Variants in TBC1D24 observed in about 807,000 individuals in gnomAD.
The protein encoded by TBC1D24 is Infantile myoclonic epilepsy.
A neutral mutation model predicts 50.7 loss-of-function variants in TBC1D24; 47 were observed. The ratio of observed to expected loss-of-function variants is 0.93; its 90% confidence interval spans 0.73 to 1.18. The LOEUF (loss-of-function observed/expected upper bound fraction) is 1.18, where lower values mean the gene tolerates loss of function less well. Among genes scored for constraint, TBC1D24 ranks in the 50% most tolerant of loss-of-function variants. The pLI is 0.00. For synonymous variants in TBC1D24, 324 were observed against 335.2 expected, an observed-to-expected ratio of 0.97 and a Z score of 0.36; for missense variants, 688 against 766.5, an observed-to-expected ratio of 0.90 and a Z score of 1.21.
In TBC1D24 at chr16:2,475,429, G is replaced by T. The variant is rs2065558254; in HGVS notation, c.-116+259G>T. On this transcript the variant is annotated intron_variant, in intron 1 of 7. Coordinates refer to ENST00000646147, the MANE Select transcript of TBC1D24 (RefSeq NM_001199107.2). The surrounding 1 kb of genome is among the most constrained non-coding windows in gnomAD (Gnocchi z 4.2). The stretch of plus-strand genomic sequence containing the variant: ...CCCCTGGGCGCGAGGCCCGATCCCC[G>T]CCCGGTCGCTGGCCCGCGGCCCGGC... Among the ~76,000 whole-genome samples, 1 of 151,944 alleles carries T rather than the reference G, an allele frequency of 6.6e-6. No individual in the cohort carries two copies. Among genetic ancestry groups the T allele is most frequent in the Non-Finnish European group, 1.5e-5 (1 of 67,928 alleles).
chr16:2,493,842 G>T (rs2065716075), intron 1 of TBC1D24: 1 of 152,176 alleles, frequency 6.6e-6, no homozygotes, highest in Admixed American at 6.5e-5. Context: ...TGAGCCCAGG[G>T]GTTGCTGTTC....
rs187418765 is a variant in TBC1D24 at position 2,491,693 on chromosome 16, T to C, written c.-115-4341T>C. ...CCTCAGCCTCCCACGTAGCTGGGAC[T>C]ACAGGCATGTGCCACCACACCCAGC... On this transcript the variant is annotated intron_variant, in intron 1 of 7. Coordinates refer to ENST00000646147, the MANE Select transcript of TBC1D24 (RefSeq NM_001199107.2). 1.6e-3 allele frequency among the ~76,000 whole-genome samples: 237 copies of C among 152,250 alleles called. 1 individual carries two copies. Among genetic ancestry groups the C allele is most frequent in the African/African-American group, 5.4e-3 (225 of 41,530 alleles).
At position 2,485,597 on chromosome 16, in the gene TBC1D24, G is replaced by C. The variant is rs551590171; in HGVS notation, c.-116+10427G>C. The C allele has an allele frequency of 6.6e-6, 1 of 152,362 alleles. No individual in the cohort carries two copies. Among genetic ancestry groups the C allele is most frequent in the East Asian group, 1.9e-4 (1 of 5,188 alleles). The allele number at this position is 152,362 out of a possible 1,614,324, so 9.4% of individuals were successfully genotyped here. On this transcript the variant is annotated intron_variant, in intron 1 of 7. Transcript: ENST00000646147. The surrounding 1 kb of genome is among the most constrained non-coding windows in gnomAD (Gnocchi z 4.6). Reference sequence around the variant, plus strand: ...GTTGTGGGAACCCCAACTTGAAGTTGGTTGCTGAGAAGTTCCAGAGGCCTG... The same window carrying C: ...GTTGTGGGAACCCCAACTTGAAGTTCGTTGCTGAGAAGTTCCAGAGGCCTG...
rs373395163 is a variant in TBC1D24, at chr16:2,501,204, C to T, written c.*246C>T. 88 of 583,724 alleles carry T rather than the reference C, an allele frequency of 1.5e-4. 1 individual carries two copies. In the East Asian group the frequency reaches 1.9e-3, roughly 13 times the overall value. 36.2% of individuals were successfully genotyped at this position (583,724 alleles called of 1,614,324 possible). ...GGCCTGCTGTGCCCCCAGCCCCACCCAGAGCTGGCATAGGAAGTACCTTCC... is the reference window on the plus strand; with the variant it reads ...GGCCTGCTGTGCCCCCAGCCCCACCTAGAGCTGGCATAGGAAGTACCTTCC... On this transcript the variant is annotated 3_prime_UTR_variant, in exon 8 of 8. Coordinates refer to ENST00000646147, the MANE Select transcript of TBC1D24 (RefSeq NM_001199107.2).
At position 2,482,543 on chromosome 16, in the gene TBC1D24, G is replaced by A. The variant is rs1421357924; in HGVS notation, c.-116+7373G>A. On this transcript the variant is annotated intron_variant, in intron 1 of 7. Coordinates refer to ENST00000646147, the MANE Select transcript of TBC1D24 (RefSeq NM_001199107.2). The surrounding 1 kb of genome is among the most constrained non-coding windows in gnomAD (Gnocchi z 5.2). ...CTGTGTGGCCAGGGCTCCGGAAGCT[G>A]TTGTCCGAGGGGCAGGGAGGGGCTG... 6.6e-6 allele frequency among the ~76,000 whole-genome samples: 1 copy of A among 152,192 alleles called. No individual in the cohort carries two copies. Among genetic ancestry groups the A allele is most frequent in the Non-Finnish European group, 1.5e-5 (1 of 68,022 alleles).
Position 2,500,421 on chromosome 16 carries a change from C to G in TBC1D24, c.1456C>G (p.Arg486Gly). Residue 486 changes from arginine (R) to glycine (G), a missense_variant, in exon 7 of 8, where the codon CGC (arginine) becomes GGC (glycine). Coordinates refer to ENST00000646147, the MANE Select transcript of TBC1D24 (RefSeq NM_001199107.2). The surrounding 1 kb of genome is among the most constrained non-coding windows in gnomAD (Gnocchi z 8.0). ...ADRLSPFLAARHFNLPSKTES... is the reference protein window; with the variant it reads ...ADRLSPFLAAGHFNLPSKTES... ...CCGCCTCTCGCCCTTCCTGGCCGCT[C>G]GCCACTTCAACCTGCCCTCCAAGAC... 6.2e-7 allele frequency: 1 copy of G among 1,602,252 alleles called. No homozygotes were observed. Among genetic ancestry groups the G allele is most frequent in the Non-Finnish European group, 8.5e-7 (1 of 1,175,058 alleles).
rs567885441 is a variant in TBC1D24 at position 2,503,121 on chromosome 16, C to G, written c.*2163C>G. The G allele has an allele frequency of 6.6e-6, 1 of 152,258 alleles. No homozygotes were observed. The highest frequency in any genetic ancestry group is 1.5e-5 in the Non-Finnish European group (1 of 68,050). The allele number at this position is 152,258 out of a possible 1,614,324, so 9.4% of individuals were successfully genotyped here. A position where few individuals can be genotyped will look rare whatever the true frequency, so the allele number is the denominator to read the frequency against. On this transcript the variant is annotated 3_prime_UTR_variant, in exon 8 of 8. Coordinates refer to ENST00000646147, the MANE Select transcript of TBC1D24 (RefSeq NM_001199107.2). Reference sequence around the variant, plus strand: ...GGCGAGTTAAGTCCAGCAGGTTCTGCGTGGCTGCCCCCAGGGGGCCCCACC... The same window carrying G: ...GGCGAGTTAAGTCCAGCAGGTTCTGGGTGGCTGCCCCCAGGGGGCCCCACC...
In TBC1D24 at chr16:2,483,884, G is replaced by C. The variant is rs1488016990; in HGVS notation, c.-116+8714G>C. The C allele has an allele frequency of 6.6e-6, 1 of 152,620 alleles. No individual in the cohort carries two copies. Among genetic ancestry groups the C allele is most frequent in the Non-Finnish European group, 1.5e-5 (1 of 68,278 alleles). The allele number at this position is 152,620 out of a possible 1,614,324, so 9.5% of individuals were successfully genotyped here. On this transcript the variant is annotated intron_variant, in intron 1 of 7. Coordinates refer to ENST00000646147, the MANE Select transcript of TBC1D24 (RefSeq NM_001199107.2). The surrounding 1 kb of genome is among the most constrained non-coding windows in gnomAD (Gnocchi z 4.0). ...GGTAAAAGGCAGATAGCAAGGTAAG[G>C]AGGTGTGGGGGAAGACCAGCGGCTG...
intron 1 of TBC1D24, among the ~76,000 whole-genome samples, chr16:2,493,361 G>A (rs1596965165): frequency 6.6e-6 from 1 of 151,784 alleles, no homozygotes; most frequent in South Asian, 2.1e-4. Context: ...GGATGGTCTC[G>A]ATCTCCTGAC....
intron 1 of TBC1D24, among the ~76,000 whole-genome samples, chr16:2,491,412 TC>T (rs1381932366): frequency 6.6e-6 from 1 of 151,748 alleles, no homozygotes; most frequent in Non-Finnish European, 1.5e-5. Context: ...TCAGACAGGG[TC>T]TTGCTCTGTC....
Position 2,500,318 on chromosome 16 carries a change from G to A in TBC1D24, c.1353G>A (p.Glu451=), listed in dbSNP as rs1231827471. Residue 451 remains glutamate (E), a synonymous_variant, in exon 7 of 8, where the codon GAG becomes GAA. Coordinates refer to ENST00000646147, the MANE Select transcript of TBC1D24 (RefSeq NM_001199107.2). This position sits in a 1 kb window ranked among gnomAD's most constrained non-coding sequence, Gnocchi z 8.0. ...AGTGGGTGGTGATCAAGCACCCCGA[G>A]CTGACCAAGCCCCCACCCTTGATGG... ...RYEWVVIKHP[E]LTKPPPLMAA... 4.3e-6 allele frequency: 7 copies of A among 1,611,092 alleles called. No homozygotes were observed. The highest frequency in any genetic ancestry group is 4.5e-5 in the East Asian group (2 of 44,798).
At chr16:2,492,897 A>G (rs1377021314) in intron 1 of TBC1D24, among the ~76,000 whole-genome samples, 1 of 151,962 alleles carries the variant, frequency 6.6e-6, no homozygotes, top group East Asian at 2.0e-4. Context: ...GTTCGAGACC[A>G]GCCTGACCAA....
intron 1 of TBC1D24, chr16:2,484,504 G>A (rs367972069): frequency 2.0e-5 from 3 of 152,302 alleles, no homozygotes; most frequent in African/African-American, 4.8e-5. Flanking sequence ...CGACCACCCC[G>A]GGGCCTCTCT....
Position 2,499,275 on chromosome 16 carries a change from G to T in TBC1D24, c.1143-82G>T. 1 of 1,324,444 alleles carries T rather than the reference G, an allele frequency of 7.6e-7. No homozygotes were observed. The highest frequency in any genetic ancestry group is 1.2e-5 in the South Asian group (1 of 80,958). 82.0% of individuals were successfully genotyped at this position (1,324,444 alleles called of 1,614,324 possible). A position where few individuals can be genotyped will look rare whatever the true frequency, so the allele number is the denominator to read the frequency against. On this transcript the variant is annotated intron_variant, in intron 4 of 7. Coordinates refer to ENST00000646147, the MANE Select transcript of TBC1D24 (RefSeq NM_001199107.2). This position sits in a 1 kb window ranked among gnomAD's most constrained non-coding sequence, Gnocchi z 4.0. The stretch of plus-strand genomic sequence containing the variant: ...CACAGTTCCCAGGTCTTCGCCCCAA[G>T]ACAGCTGGGGCCAGCGGAGGCTGCA...
At chr16:2,480,990 C>G (rs2065606447) in intron 1 of TBC1D24, 1 of 152,330 alleles carries the variant, frequency 6.6e-6, no homozygotes, top group Non-Finnish European at 1.5e-5. Flanking sequence ...AGCTGGGTAG[C>G]TCTGACCAGA....
chr16:2,501,191 C>T lies in TBC1D24; in HGVS notation c.*233C>T, dbSNP rs1171694455. On this transcript the variant is annotated 3_prime_UTR_variant, in exon 8 of 8. Coordinates refer to ENST00000646147, the MANE Select transcript of TBC1D24 (RefSeq NM_001199107.2). ...GTCAGAGCTGGAGGGCCTGCTGTGC[C>T]CCCAGCCCCACCCAGAGCTGGCATA... 6.7e-6 allele frequency: 4 copies of T among 595,444 alleles called. No homozygotes were observed. In the East Asian group the frequency reaches 1.1e-4, roughly 17 times the overall value. 36.9% of individuals were successfully genotyped at this position (595,444 alleles called of 1,614,324 possible).
intron 1 of TBC1D24, chr16:2,484,537 C>T (rs934683174): frequency 3.3e-5 from 5 of 152,348 alleles, no homozygotes; most frequent in African/African-American, 1.2e-4. Context: ...GTCTACAAAG[C>T]CACTTTCTGA....
chr16:2,489,853 A>G (rs2065681779), intron 1 of TBC1D24, among the ~76,000 whole-genome samples: 1 of 152,212 alleles, frequency 6.6e-6, no homozygotes. Context: ...TTCTATCAAC[A>G]GGCTCAGTAA....
At chr16:2,477,995 C>G (rs1407330360) in intron 1 of TBC1D24, 1 of 152,296 alleles carries the variant, frequency 6.6e-6, no homozygotes, top group East Asian at 1.9e-4. Context: ...CTGGGAAAAG[C>G]CTTGAGTTCC....
Sources: allele counts gnomAD v4.1 joint callset (sites outside exome capture counted in the v4.1 genomes callset), GRCh38; gene constraint gnomAD v4.1.1; non-coding constraint Gnocchi (gnomAD v3.1); transcripts MANE v1.5; gene names NCBI Gene and HGNC (gene_info 2026-07-23, HGNC 2026-07-21).